RNF38: variants seen among roughly 807,000 people sequenced by gnomAD.
RNF38 encodes E3 ubiquitin-protein ligase RNF38.
RNF38 carries 15 observed loss-of-function variants against 67.2 expected under a neutral mutation model. That is an observed-to-expected ratio of 0.22 (90% CI 0.15 to 0.34). The LOEUF is 0.34. Ranked by LOEUF, RNF38 falls within the 10% of genes least tolerant of loss-of-function variation. The pLI is 1.00. For missense variants in RNF38, 524 were observed against 639.9 expected (o/e 0.82, Z 1.95); for synonymous variants, 220 against 218.8 (o/e 1.01, Z -0.05).
At chr9:36,440,946 G>C (rs1226452115) in intron 1 of RNF38, among the ~76,000 whole-genome samples, 1 of 152,124 alleles carries the variant, frequency 6.6e-6, no homozygotes, top group Non-Finnish European at 1.5e-5. Context: ...AATGCCTCAT[G>C]GTCTGACAGT....
intron 7 of RNF38, 29 bp downstream of exon 7, chr9:36,353,141 A>G: frequency 6.3e-7 from 1 of 1,592,700 alleles, no homozygotes; most frequent in East Asian, 2.2e-5. Context: ...CAAAGCAAGT[A>G]ATTAACATAG....
At chr9:36,457,702 G>A (rs1302181595) in intron 1 of RNF38, among the ~76,000 whole-genome samples, 2 of 152,082 alleles carry the variant, frequency 1.3e-5, no homozygotes, top group Non-Finnish European at 2.9e-5. Flanking sequence ...GAGGTCGGGA[G>A]CTCAAGACCA....
intron 1 of RNF38, among the ~76,000 whole-genome samples, chr9:36,458,550 AC>A (rs2134364375): frequency 6.6e-6 from 1 of 152,266 alleles, no homozygotes; most frequent in African/African-American, 2.4e-5. Flanking sequence ...ACCGGGAGGA[AC>A]AAACAACTCC....
chr9:36,429,918 T>C (rs1403226400), intron 1 of RNF38, among the ~76,000 whole-genome samples: 1 of 152,226 alleles, frequency 6.6e-6, no homozygotes, highest in Non-Finnish European at 1.5e-5. Context: ...TGCAGTTGGC[T>C]AAACCCAAGG....
upstream of RNF38, chr9:36,400,886 C>A: frequency 2.0e-6 from 2 of 985,060 alleles, no homozygotes; most frequent in Non-Finnish European, 2.4e-6. Context: ...GGGGCCCGGC[C>A]CGGCCACGCC....
chr9:36,388,353 A>G (rs2247595), intron 2 of RNF38, among the ~76,000 whole-genome samples: 99,345 of 151,918 alleles, frequency 0.65, 32,545 homozygotes, highest in South Asian at 0.67. Context: ...GAAAACCCTG[A>G]ATTTTGGGCA....
chr9:36,349,326 C>G (rs1037634531), intron 9 of RNF38, among the ~76,000 whole-genome samples: 1 of 152,200 alleles, frequency 6.6e-6, no homozygotes, highest in Non-Finnish European at 1.5e-5. Context: ...GCCATCCTAA[C>G]AGGTATGAAG....
At chr9:36,483,949 G>A (rs1272225840) in intron 1 of RNF38, among the ~76,000 whole-genome samples, 4 of 152,130 alleles carry the variant, frequency 2.6e-5, no homozygotes, top group African/African-American at 9.7e-5. Context: ...GAGGGGTATG[G>A]CATCCAACCC....
chr9:36,344,597 C>T (rs977340493), intron 10 of RNF38, among the ~76,000 whole-genome samples: 16 of 152,236 alleles, frequency 1.1e-4, no homozygotes, highest in East Asian at 7.7e-4. Context: ...TTAGCTAGTA[C>T]GACTAAGACA....
chr9:36,460,721 C>G (rs1315475216), intron 1 of RNF38, among the ~76,000 whole-genome samples: 2 of 151,266 alleles, frequency 1.3e-5, no homozygotes, highest in Non-Finnish European at 2.9e-5. Flanking sequence ...AACCCCATCT[C>G]TACTAAAAAT....
chr9:36,347,143 G>A (rs1299892351), intron 9 of RNF38, among the ~76,000 whole-genome samples: 9 of 54,304 alleles, frequency 1.7e-4, no homozygotes, highest in Non-Finnish European at 2.4e-4. Context: ...GGGGGGGGGG[G>A]GGGGGGAAGT....
chr9:36,337,578 A>G lies in RNF38; in HGVS notation c.*2174T>C, dbSNP rs1298370295. 1.3e-5 allele frequency: 2 copies of G among 152,602 alleles called. No individual in the cohort carries two copies. Among genetic ancestry groups the G allele is most frequent in the African/African-American group, 4.8e-5 (2 of 41,422 alleles). The allele number at this position is 152,602 out of a possible 1,614,324, so 9.5% of individuals were successfully genotyped here. A position where few individuals can be genotyped will look rare whatever the true frequency, so the allele number is the denominator to read the frequency against. On this transcript the variant is annotated 3_prime_UTR_variant, in exon 12 of 12. Coordinates refer to ENST00000259605, the MANE Select transcript of RNF38 (RefSeq NM_022781.5). ...TGAATACTGAGTGTCGTAGTGTTAG[A>G]TCTGTACAGATATAAATTTTTTGCA...
chr9:36,451,944 C>T (rs527434764), intron 1 of RNF38, among the ~76,000 whole-genome samples: 12 of 152,066 alleles, frequency 7.9e-5, no homozygotes, highest in Non-Finnish European at 1.5e-4. Context: ...AGGCCAGGCG[C>T]GGTGGCTCAC....
chr9:36,423,706 T>C (rs1406841058), intron 2 of RNF38, among the ~76,000 whole-genome samples: 3 of 26,020 alleles, frequency 1.2e-4, no homozygotes, highest in Admixed American at 2.5e-4. Context: ...TCCCAGCACT[T>C]TGGGAGGCCG....
upstream of RNF38, among the ~76,000 whole-genome samples, chr9:36,402,106 G>C (rs574436558): frequency 5.3e-5 from 8 of 152,198 alleles, no homozygotes; most frequent in Non-Finnish European, 1.0e-4. Context: ...CAAGGCCCAA[G>C]TCTAGTGCCA....
chr9:36,410,430 G>A (rs767241865), intron 2 of RNF38, among the ~76,000 whole-genome samples: 1 of 152,060 alleles, frequency 6.6e-6, no homozygotes, highest in Non-Finnish European at 1.5e-5. Flanking sequence ...GGGTTCAAGC[G>A]ATTCTCCTGC....
chr9:36,385,035 C>T (rs1836498773), intron 2 of RNF38, among the ~76,000 whole-genome samples: 1 of 151,960 alleles, frequency 6.6e-6, no homozygotes, highest in East Asian at 1.9e-4. Flanking sequence ...GCGAAGTTGC[C>T]GAAGAACTCA....
At chr9:36,445,789 A>C (rs1189120908) in intron 1 of RNF38, among the ~76,000 whole-genome samples, 5 of 152,242 alleles carry the variant, frequency 3.3e-5, no homozygotes, top group African/African-American at 9.6e-5. Flanking sequence ...GAGTGTCACA[A>C]GACACCGTAA....
At chr9:36,409,040 A>C (rs1838250986) in intron 2 of RNF38, among the ~76,000 whole-genome samples, 2 of 152,138 alleles carry the variant, frequency 1.3e-5, no homozygotes, top group African/African-American at 4.8e-5. Context: ...TACAAAAATT[A>C]GCCGAGTGTG....
Sources: allele counts gnomAD v4.1 joint callset (sites outside exome capture counted in the v4.1 genomes callset), GRCh38; gene constraint gnomAD v4.1.1; transcripts MANE v1.5; gene names NCBI Gene and HGNC (gene_info 2026-07-23, HGNC 2026-07-21).